VMP1: variants seen among roughly 807,000 people sequenced by gnomAD.
The protein encoded by VMP1 is vacuole membrane protein 1, also known as ectopic P-granules autophagy protein 3 homolog.
Under a neutral mutation model 56.0 loss-of-function variants are expected in VMP1, and 11 were observed. That is an observed-to-expected ratio of 0.20 (90% CI 0.12 to 0.32). The LOEUF is 0.32. VMP1 is among the 10% of genes least tolerant of loss of function. VMP1 has a pLI of 1.00. For synonymous variants in VMP1, 149 were observed against 165.0 expected, an observed-to-expected ratio of 0.90 and a Z score of 0.74; for missense variants, 296 against 490.3, an observed-to-expected ratio of 0.60 and a Z score of 3.74.
At chr17:59,757,186 C>G (rs974488754) in intron 5 of VMP1, among the ~76,000 whole-genome samples, 5 of 151,736 alleles carry the variant, frequency 3.3e-5, no homozygotes, top group South Asian at 2.1e-4. Context: ...AACATAGATA[C>G]TATATTATTA....
At chr17:59,716,752 AC>A (rs2034168002) in intron 1 of VMP1, among the ~76,000 whole-genome samples, 1 of 151,362 alleles carries the variant, frequency 6.6e-6, no homozygotes, top group African/African-American at 2.4e-5. Context: ...GTTATTACAT[AC>A]ATCCAAAACT....
At chr17:59,797,138 C>A (rs2037463638) in intron 7 of VMP1, among the ~76,000 whole-genome samples, 1 of 146,294 alleles carries the variant, frequency 6.8e-6, no homozygotes, top group South Asian at 2.3e-4. Flanking sequence ...TCCAGACCAG[C>A]CTGGCCAGCA....
intron 2 of VMP1, among the ~76,000 whole-genome samples, chr17:59,733,052 C>A (rs1247262928): frequency 6.6e-6 from 1 of 152,092 alleles, no homozygotes; most frequent in Non-Finnish European, 1.5e-5. Flanking sequence ...GCCTGTAGTT[C>A]TAGCTAGCTA....
At chr17:59,823,195 A>G (rs1043865550) in intron 10 of VMP1, among the ~76,000 whole-genome samples, 1 of 152,182 alleles carries the variant, frequency 6.6e-6, no homozygotes, top group Non-Finnish European at 1.5e-5. Flanking sequence ...GACGCCTGCA[A>G]TCCCAGCACT....
Position 59,807,802 on chromosome 17 carries a change from A to G in VMP1, c.715-994A>G, listed in dbSNP as rs535951592. ...AGCCAAGATCGCGCCATTGCACTCC[A>G]GCCTGGGCAACAAGAGTGAAACTCC... is the stretch of plus-strand genomic sequence containing the variant. On this transcript the variant is annotated intron_variant, in intron 7 of 11. Transcript: ENST00000262291. Among the ~76,000 whole-genome samples the G allele has an allele frequency of 3.1e-4, 46 of 148,302 alleles. 1 individual carries two copies. In the East Asian group the frequency reaches 7.1e-3, roughly 23 times the overall value.
intron 10 of VMP1, among the ~76,000 whole-genome samples, chr17:59,828,364 A>G (rs1425965098): frequency 6.6e-6 from 1 of 152,246 alleles, no homozygotes; most frequent in Non-Finnish European, 1.5e-5. Context: ...ATTTTGTGAT[A>G]AAATATGCTG....
At chr17:59,707,803 C>T (rs1156784461) in intron 1 of VMP1, 55 bp downstream of exon 1, 3 of 152,292 alleles carry the variant, frequency 2.0e-5, no homozygotes, top group African/African-American at 4.8e-5. Flanking sequence ...GTCCTCAGAG[C>T]TTGGCGTCTT....
At chr17:59,776,974 T>C (rs1363529650) in intron 7 of VMP1, among the ~76,000 whole-genome samples, 1 of 152,226 alleles carries the variant, frequency 6.6e-6, no homozygotes, top group African/African-American at 2.4e-5. Context: ...GCATAGTCTT[T>C]ACATCTCTGG....
chr17:59,828,595 C>G (rs969526823), intron 10 of VMP1, among the ~76,000 whole-genome samples: 1 of 152,156 alleles, frequency 6.6e-6, no homozygotes, highest in Non-Finnish European at 1.5e-5. Flanking sequence ...CAAATCACAA[C>G]GAATTTTAGA....
At position 59,814,057 on chromosome 17, in the gene VMP1, T is replaced by C. The variant is rs149470823; in HGVS notation, c.912+2271T>C. Among the ~76,000 whole-genome samples the C allele has an allele frequency of 4.0e-3, 614 of 152,274 alleles. 9 individuals are homozygous for C. Among genetic ancestry groups the C allele is most frequent in the African/African-American group, 0.014 (587 of 41,552 alleles). ...GTGTGGTGGCGTGATTTCAGCTCAC[T>C]GCAACCTCCGCCTCCCAGGTTCAAA... On this transcript the variant is annotated intron_variant, in intron 9 of 11. Coordinates refer to ENST00000262291, the MANE Select transcript of VMP1 (RefSeq NM_030938.5).
chr17:59,745,652 A>G (rs1369008001), intron 5 of VMP1, among the ~76,000 whole-genome samples: 1 of 152,142 alleles, frequency 6.6e-6, no homozygotes, highest in Admixed American at 6.5e-5. Flanking sequence ...ACTTACTTTC[A>G]TTTTCCAGGC....
chr17:59,708,058 G>A (rs1297785030), intron 1 of VMP1: 1 of 152,190 alleles, frequency 6.6e-6, no homozygotes, highest in Non-Finnish European at 1.5e-5. Flanking sequence ...TCTTAGTCCC[G>A]GGATGTCCAG....
At chr17:59,713,911 G>A (rs1243422485) in intron 1 of VMP1, among the ~76,000 whole-genome samples, 1 of 151,052 alleles carries the variant, frequency 6.6e-6, no homozygotes, top group African/African-American at 2.4e-5. Context: ...CGTGGTGGTG[G>A]GCACCTGTAA....
At chr17:59,812,843 G>C (rs1349504191) in intron 9 of VMP1, among the ~76,000 whole-genome samples, 1 of 152,016 alleles carries the variant, frequency 6.6e-6, no homozygotes, top group East Asian at 1.9e-4. Context: ...ACGCAGGAGA[G>C]TCTCTTGAAC....
chr17:59,811,917 C>T, intron 9 of VMP1, 131 bp downstream of exon 9: 1 of 635,274 alleles, frequency 1.6e-6, no homozygotes, highest in South Asian at 2.1e-5. Flanking sequence ...TTAGGTAATA[C>T]CACATAGAAT....
At chr17:59,801,124 GTGTGT>G in intron 7 of VMP1, among the ~76,000 whole-genome samples, 2 of 138,406 alleles carry the variant, frequency 1.4e-5, no homozygotes, top group African/African-American at 6.2e-5. Flanking sequence ...GTGTGTGTGT[GTGTGT>G]GTGTGTGTGT....
At chr17:59,731,903 A>C (rs1419495672) in intron 2 of VMP1, among the ~76,000 whole-genome samples, 2 of 152,178 alleles carry the variant, frequency 1.3e-5, no homozygotes, top group African/African-American at 2.4e-5. Context: ...ATTATTTAAA[A>C]ATTTATTTTA....
chr17:59,748,006 CT>C (rs2035495340), intron 5 of VMP1, among the ~76,000 whole-genome samples: 1 of 151,872 alleles, frequency 6.6e-6, no homozygotes, highest in Non-Finnish European at 1.5e-5. Flanking sequence ...ACCATCCTGG[CT>C]AACACAGTGA....
At chr17:59,754,628 A>G (rs1282277582) in intron 5 of VMP1, among the ~76,000 whole-genome samples, 1 of 152,236 alleles carries the variant, frequency 6.6e-6, no homozygotes, top group Non-Finnish European at 1.5e-5. Context: ...CCAGATGCTT[A>G]TAACTATGGC....
Sources: allele counts gnomAD v4.1 joint callset (sites outside exome capture counted in the v4.1 genomes callset), GRCh38; gene constraint gnomAD v4.1.1; transcripts MANE v1.5; gene names NCBI Gene and HGNC (gene_info 2026-07-23, HGNC 2026-07-21).